C11orf65: variants seen among roughly 807,000 people sequenced by gnomAD.
C11orf65 encodes the protein chromosome 11 open reading frame 65, also known as protein MFI.
Under a neutral mutation model 35.3 loss-of-function variants are expected in C11orf65, and 38 were observed. The observed-to-expected ratio is 1.08, with a 90% confidence interval of 0.83 to 1.41. The LOEUF (loss-of-function observed/expected upper bound fraction) is 1.41. Among genes scored for constraint, C11orf65 ranks in the 40% most tolerant of loss-of-function variants. C11orf65 has a pLI of 0.00. For missense variants in C11orf65, 370 were observed against 367.1 expected, an observed-to-expected ratio of 1.01 and a Z score of -0.06; for synonymous variants, 105 against 114.4, an observed-to-expected ratio of 0.92 and a Z score of 0.53.
intron 6 of C11orf65, among the ~76,000 whole-genome samples, chr11:108,318,285 A>G (rs1380599910): frequency 6.6e-6 from 1 of 151,718 alleles, no homozygotes; most frequent in African/African-American, 2.4e-5. Context: ...TTGCTAGAAC[A>G]CGGGAGACGG....
chr11:108,441,997 C>A (rs2093161998), intron 2 of C11orf65, among the ~76,000 whole-genome samples: 1 of 152,160 alleles, frequency 6.6e-6, no homozygotes, highest in African/African-American at 2.4e-5. Flanking sequence ...GAGAAGAAGG[C>A]TTCAGATGAT....
chr11:108,354,767 T>C (rs942502977), intron 2 of C11orf65: 26 of 1,502,400 alleles, frequency 1.7e-5, no homozygotes, highest in Non-Finnish European at 2.1e-5. Flanking sequence ...GTTGACAACA[T>C]TGGTGTGTAA....
At chr11:108,433,473 G>A (rs925249917) in intron 2 of C11orf65, among the ~76,000 whole-genome samples, 19 of 151,982 alleles carry the variant, frequency 1.3e-4, no homozygotes, top group Admixed American at 7.2e-4. Flanking sequence ...CCAGCTACTC[G>A]GGAGGCTGAG....
chr11:108,418,298 AT>A (rs1340524694), intron 3 of C11orf65, among the ~76,000 whole-genome samples: 2 of 152,148 alleles, frequency 1.3e-5, no homozygotes, highest in Admixed American at 1.3e-4. Flanking sequence ...TAACTAAAAA[AT>A]ATATATTCTT....
intron 2 of C11orf65, among the ~76,000 whole-genome samples, chr11:108,443,251 G>C (rs1365065775): frequency 6.6e-6 from 1 of 152,140 alleles, no homozygotes; most frequent in African/African-American, 2.4e-5. Context: ...ATTATAAAGG[G>C]ATCAATTCAA....
chr11:108,331,600 C>A (rs1365478835), intron 3 of C11orf65: 6 of 1,471,390 alleles, frequency 4.1e-6, no homozygotes, highest in Non-Finnish European at 5.5e-6. Flanking sequence ...TATTTTTATT[C>A]TATTATTACT....
At chr11:108,419,838 C>T (rs1363307301) in intron 3 of C11orf65, among the ~76,000 whole-genome samples, 1 of 152,228 alleles carries the variant, frequency 6.6e-6, no homozygotes, top group East Asian at 1.9e-4. Flanking sequence ...TTGATCCTTT[C>T]CCTCTGAAAT....
intron 2 of C11orf65, chr11:108,354,747 A>G: frequency 7.4e-7 from 1 of 1,359,796 alleles, no homozygotes. Context: ...GAGTATACAG[A>G]TAAAGATACG....
downstream of C11orf65, chr11:108,330,525 G>C (rs1041427945): frequency 6.1e-6 from 7 of 1,148,604 alleles, no homozygotes; most frequent in African/African-American, 9.1e-5. Flanking sequence ...CCTAGCACTT[G>C]GTCCAGTGCT....
At position 108,454,596 on chromosome 11, in the gene C11orf65, CCTA is replaced by C. The variant is rs150827901; in HGVS notation, c.81+6880_81+6882del. Among the ~76,000 whole-genome samples, 726 of 152,210 alleles carry C rather than the reference CCTA, an allele frequency of 4.8e-3. 6 individuals are homozygous for C. Among genetic ancestry groups the C allele is most frequent in the Non-Finnish European group, 7.9e-3 (536 of 68,008 alleles). On this transcript the variant is annotated intron_variant, in intron 2 of 8. Transcript: ENST00000393084. ...TACAGGCGTGAGCCACTGCACCAGG[CCTA>C]CTTTTACATTTTTGTTTATTTATTT...
intron 6 of C11orf65, among the ~76,000 whole-genome samples, chr11:108,403,434 T>TA (rs1555164840): frequency 1.4e-5 from 2 of 145,552 alleles, no homozygotes; most frequent in Non-Finnish European, 3.0e-5. Flanking sequence ...TTTTTTTTTT[T>TA]ACATATTCTT....
In C11orf65 at chr11:108,467,353, G is replaced by GT. The variant is rs2093553258; in HGVS notation, c.-10+117dup. ...CCTTAAGAGGGGCGGATGGGGAATG[G>GT]TATCAAGGGTATGGGTTCTTTAGGG... On this transcript the variant is annotated intron_variant, in intron 1 of 8. Transcript: ENST00000393084. 8 of 152,502 alleles carry GT rather than the reference G, an allele frequency of 5.2e-5. No individual in the cohort carries two copies. The South Asian group carries it at 1.7e-3, about 32-fold the overall frequency. The allele number at this position is 152,502 out of a possible 1,614,324, so 9.4% of individuals were successfully genotyped here. A position where few individuals can be genotyped will look rare whatever the true frequency, so the allele number is the denominator to read the frequency against.
chr11:108,312,050 CTTTA>C (rs2084208329), intron 6 of C11orf65, among the ~76,000 whole-genome samples: 1 of 152,042 alleles, frequency 6.6e-6, no homozygotes, highest in Non-Finnish European at 1.5e-5. Flanking sequence ...TTATTGTGGT[CTTTA>C]TTTGTGTGTC....
intron 7 of C11orf65, among the ~76,000 whole-genome samples, chr11:108,386,412 G>A (rs1212203667): frequency 1.3e-5 from 2 of 152,218 alleles, no homozygotes; most frequent in Admixed American, 6.5e-5. Context: ...ATACGTGAAG[G>A]GAAATTTAAA....
chr11:108,404,673 C>T (rs2092506949), intron 6 of C11orf65, among the ~76,000 whole-genome samples: 1 of 151,102 alleles, frequency 6.6e-6, no homozygotes, highest in African/African-American at 2.4e-5. Context: ...TCGTGATCTG[C>T]CTGCCTCAGC....
intron 3 of C11orf65, among the ~76,000 whole-genome samples, chr11:108,413,195 T>C (rs1174027265): frequency 6.6e-6 from 1 of 152,236 alleles, no homozygotes; most frequent in African/African-American, 2.4e-5. Flanking sequence ...AATACACTTT[T>C]TTATTTGTAC....
At chr11:108,376,852 C>A (rs1312872164) in intron 2 of C11orf65, among the ~76,000 whole-genome samples, 60 of 151,126 alleles carry the variant, frequency 4.0e-4, no homozygotes, top group African/African-American at 1.4e-3. Context: ...CTACAAACAC[C>A]TCTATGCAAA....
At chr11:108,465,481 C>G (rs575915092) in intron 1 of C11orf65, among the ~76,000 whole-genome samples, 4 of 152,020 alleles carry the variant, frequency 2.6e-5, no homozygotes, top group Middle Eastern at 6.8e-3. Context: ...CAAGTAAATA[C>G]AGAGGAAAAA....
At chr11:108,466,177 T>C (rs76394154) in intron 1 of C11orf65, among the ~76,000 whole-genome samples, 1,884 of 152,258 alleles carry the variant, frequency 0.012, 48 homozygotes, top group African/African-American at 0.042. Flanking sequence ...GGTGGGACCG[T>C]TGCTGGCTTT....
Sources: gnomAD v4.1 joint callset for allele counts (sites outside exome capture counted in the v4.1 genomes callset) on GRCh38, gnomAD v4.1.1 for gene constraint, MANE v1.5 for transcripts, NCBI Gene and HGNC (gene_info 2026-07-23, HGNC 2026-07-21) for gene names.